The following PRKDC variants were observed in gnomAD, a reference collection of about 807,000 sequenced individuals.
PRKDC encodes the protein protein kinase, DNA-activated, catalytic subunit, also known as DNA-dependent protein kinase catalytic subunit.
PRKDC carries 82 observed loss-of-function variants against 486.9 expected under a neutral mutation model. The ratio of observed to expected loss-of-function variants is 0.17; its 90% CI spans 0.14 to 0.20. The LOEUF (loss-of-function observed/expected upper bound fraction) is 0.20, where lower values mean the gene tolerates loss of function less well. PRKDC is among the 10% of genes least tolerant of loss of function. The probability of loss-of-function intolerance (pLI) is 1.00; values close to 1 mark genes in which losing one functional copy is unlikely to be tolerated. For missense variants in PRKDC, 4,504 were observed against 5,038.2 expected, an observed-to-expected ratio of 0.89 and a Z score of 3.21; for synonymous variants, 1,895 against 1,837.0, an observed-to-expected ratio of 1.03 and a Z score of -0.81.
intron 1 of PRKDC, among the ~76,000 whole-genome samples, chr8:47,958,472 C>G (rs1040466087): frequency 2.0e-5 from 3 of 152,078 alleles, no homozygotes; most frequent in Non-Finnish European, 4.4e-5. Flanking sequence ...AACCACTAAG[C>G]TTGTGGTAAT....
rs2087744969 is a variant in PRKDC at position 47,826,706 on chromosome 8, A to ACGGACT, written c.8727_8732dup (p.Val2910_Arg2911dup). 1 of 1,613,308 alleles carries ACGGACT rather than the reference A, an allele frequency of 6.2e-7. No homozygotes were observed. The highest frequency in any genetic ancestry group is 2.2e-5 in the East Asian group (1 of 44,888). On this transcript the variant is annotated inframe_insertion, in exon 63 of 86. Coordinates refer to ENST00000314191, the MANE Select transcript of PRKDC (RefSeq NM_006904.7). Reference sequence around the variant, plus strand: ...CATCAGGAGGGAGGCGGGCCTTCCCACGGACTCGCTTGGCAGGCAGCTCAG... The same window carrying ACGGACT: ...CATCAGGAGGGAGGCGGGCCTTCCCACGGACTCGGACTCGCTTGGCAGGCAGCTCAG...
intron 52 of PRKDC, among the ~76,000 whole-genome samples, chr8:47,850,905 G>C (rs1179952644): frequency 1.3e-5 from 2 of 152,206 alleles, no homozygotes; most frequent in Non-Finnish European, 2.9e-5. Flanking sequence ...TGCCTCCCAG[G>C]TTCAAGGGAT....
intron 19 of PRKDC, 30 bp from the exon 20 acceptor site, chr8:47,927,920 T>A: frequency 6.8e-7 from 1 of 1,466,162 alleles, no homozygotes; most frequent in Non-Finnish European, 9.0e-7. Flanking sequence ...GTAATGTATA[T>A]CTGAATAGAG....
At chr8:47,959,561 C>T (rs547645125) in intron 1 of PRKDC, among the ~76,000 whole-genome samples, 2 of 152,064 alleles carry the variant, frequency 1.3e-5, no homozygotes, top group South Asian at 4.1e-4. Flanking sequence ...CGCCTGTAAT[C>T]CCAGCTACTC....
chr8:47,802,321 A>G (rs2087125121), intron 70 of PRKDC, among the ~76,000 whole-genome samples: 1 of 152,164 alleles, frequency 6.6e-6, no homozygotes, highest in Admixed American at 6.5e-5. Context: ...GATGCTTAAG[A>G]GCTGGTCTGG....
At chr8:47,905,258 G>A (rs1482363383) in intron 25 of PRKDC, among the ~76,000 whole-genome samples, 1 of 151,948 alleles carries the variant, frequency 6.6e-6, no homozygotes, top group African/African-American at 2.4e-5. Context: ...TGAACTCCTG[G>A]CCTCAAGTGA....
chr8:47,779,022 G>A lies in PRKDC; in HGVS notation c.11561C>T (p.Ala3854Val), dbSNP rs779943187. 23 of 1,598,088 alleles carry A rather than the reference G, an allele frequency of 1.4e-5. No individual in the cohort carries two copies. The Admixed American group carries it at 3.8e-4, about 27-fold the overall frequency. ...AACTTACTTATACATTAGCATGTAAGCTCCAACATCATGTTTTCCTGACAT... is the reference window on the plus strand; with the variant it reads ...AACTTACTTATACATTAGCATGTAAACTCCAACATCATGTTTTCCTGACAT... Reference protein sequence around the residue: ...TKMSGKHDVGAYMLMYKGANR... With the variant: ...TKMSGKHDVGVYMLMYKGANR... Residue 3854 changes from alanine to valine, a missense_variant, in exon 81 of 86, where the codon GCT (alanine) becomes GTT (valine). By Grantham distance (64) the Ala-to-Val change is moderately conservative (BLOSUM62 0). Around this residue, in one of 6 missense-constraint regions of PRKDC, gnomAD observed 706 missense variants for 945.0 expected, o/e 0.75. Coordinates refer to ENST00000314191, the MANE Select transcript of PRKDC (RefSeq NM_006904.7).
chr8:47,896,507 C>T (rs202092135), intron 30 of PRKDC, among the ~76,000 whole-genome samples: 23 of 152,228 alleles, frequency 1.5e-4, no homozygotes, highest in Non-Finnish European at 2.2e-4. Context: ...ATTAGCCGGA[C>T]GCGGTGGCGG....
Position 47,789,012 on chromosome 8 carries a change from G to T in PRKDC, c.10796C>A (p.Thr3599Asn), listed in dbSNP as rs147753989. 6.2e-7 allele frequency: 1 copy of T among 1,612,586 alleles called. No individual in the cohort carries two copies. Among genetic ancestry groups the T allele is most frequent in the South Asian group, 1.1e-5 (1 of 90,854 alleles). ...SNDVRAELAKTPVNKKNIEKM... is the reference protein window; with the variant it reads ...SNDVRAELAKNPVNKKNIEKM... Reference sequence around the variant, plus strand: ...TTCAATGTTTTTTTTATTTACAGGGGTTTTTGCTAGTTCAGCTCTTACATC... The same window carrying T: ...TTCAATGTTTTTTTTATTTACAGGGTTTTTTGCTAGTTCAGCTCTTACATC... The change falls in exon 76 of 86, where the codon ACC becomes AAC. Residue 3599 changes from threonine (T) to asparagine (N), a missense_variant. Thr to Asn is a moderately conservative substitution (Grantham distance 65). Coordinates refer to ENST00000314191, the MANE Select transcript of PRKDC (RefSeq NM_006904.7).
chr8:47,912,703 G>T, intron 24 of PRKDC, 141 bp from the exon 25 acceptor site: 7 of 677,126 alleles, frequency 1.0e-5, no homozygotes, highest in South Asian at 4.3e-5. Context: ...TAAATTAACT[G>T]GAATTAACAT....
At chr8:47,893,517 T>G (rs1208678898) in intron 30 of PRKDC, 130 bp from the exon 31 acceptor site, 2 of 950,782 alleles carry the variant, frequency 2.1e-6, no homozygotes, top group South Asian at 2.9e-5. Context: ...CTTGTTTCAC[T>G]GTAATTACTT....
chr8:47,943,156 T>G, intron 10 of PRKDC, 53 bp downstream of exon 10: 1 of 1,573,574 alleles, frequency 6.4e-7, no homozygotes, highest in East Asian at 2.2e-5. Flanking sequence ...CAAAGGGAAT[T>G]TAATTCTGTG....
At chr8:47,864,823 G>A (rs2088769827) in intron 40 of PRKDC, 60 bp from the exon 41 acceptor site, 1 of 1,371,314 alleles carries the variant, frequency 7.3e-7, no homozygotes. Flanking sequence ...CTTTATGAGT[G>A]CCTACTACAT....
intron 73 of PRKDC, among the ~76,000 whole-genome samples, chr8:47,794,713 G>C (rs537602370): frequency 6.6e-6 from 1 of 152,286 alleles, no homozygotes; most frequent in South Asian, 2.1e-4. Flanking sequence ...TGCAAGAATG[G>C]AATCACACGA....
At chr8:47,795,739 C>T (rs1047961920) in intron 73 of PRKDC, among the ~76,000 whole-genome samples, 1 of 151,978 alleles carries the variant, frequency 6.6e-6, no homozygotes, top group African/African-American at 2.4e-5. Context: ...GTGATCCACC[C>T]GCTTCGGCCT....
chr8:47,957,587 T>C (rs566877178), intron 1 of PRKDC, among the ~76,000 whole-genome samples, 156 bp from the exon 2 acceptor site: 1 of 151,720 alleles, frequency 6.6e-6, no homozygotes, highest in Non-Finnish European at 1.5e-5. Context: ...CTCGGCTCAC[T>C]GCAACCTCCG....
chr8:47,929,147 G>A lies in PRKDC; in HGVS notation c.2084C>T (p.Pro695Leu). 1.3e-6 allele frequency: 2 copies of A among 1,579,720 alleles called. No individual in the cohort carries two copies. The highest frequency in any genetic ancestry group is 8.6e-7 in the Non-Finnish European group (1 of 1,161,018). The stretch of plus-strand genomic sequence containing the variant: ...GCAAGAATACTTTTCTGGGTCTTCA[G>A]GAGAGTGTTTCAGACTCTTTGGACT... ...GVSPKSLKHS[P>L]EDPEKYSCFA... The change falls in exon 19 of 86, where the codon CCT (proline) becomes CTT (leucine). Residue 695 changes from proline to leucine, a missense_variant. Pro to Leu is a moderately conservative substitution (Grantham distance 98). Around this residue, in one of 6 missense-constraint regions of PRKDC, gnomAD observed 1,969 missense variants for 2,068.9 expected, o/e 0.95. Transcript: ENST00000314191.
At chr8:47,846,233 T>C (rs556728082) in intron 54 of PRKDC, among the ~76,000 whole-genome samples, 37 of 152,080 alleles carry the variant, frequency 2.4e-4, no homozygotes, top group African/African-American at 3.1e-4. Context: ...CTGGTCAACA[T>C]GATAAAACCC....
At position 47,879,635 on chromosome 8, in the gene PRKDC, T is replaced by C; in HGVS notation, c.5091A>G (p.Pro1697=). Residue 1697 remains proline (P), a synonymous_variant, in exon 39 of 86, where the codon CCA becomes CCG. Coordinates refer to ENST00000314191, the MANE Select transcript of PRKDC (RefSeq NM_006904.7). ...TGCCTCCAGTGAGGCTGGTGAAGAATGGAAGAAGAGTGACAGCTTGGCCCT... is the reference window on the plus strand; with the variant it reads ...TGCCTCCAGTGAGGCTGGTGAAGAACGGAAGAAGAGTGACAGCTTGGCCCT... ...HLKGQAVTLL[P]FFTSLTGGSL... The C allele has an allele frequency of 6.3e-7, 1 of 1,586,154 alleles. No individual in the cohort carries two copies. The highest frequency in any genetic ancestry group is 1.7e-4 in the Middle Eastern group (1 of 6,024).
Sources: allele counts gnomAD v4.1 joint callset (sites outside exome capture counted in the v4.1 genomes callset), GRCh38; gene constraint gnomAD v4.1.1; regional missense constraint gnomAD v4.1.1; transcripts MANE v1.5; gene names NCBI Gene and HGNC (gene_info 2026-07-23, HGNC 2026-07-21).